Variants in MZT2A observed in about 807,000 individuals in gnomAD.
The protein encoded by MZT2A is mitotic-spindle organizing protein 2A.
Under a neutral mutation model 12.4 loss-of-function variants are expected in MZT2A, and 8 were observed. The ratio of observed to expected loss-of-function variants is 0.64; its 90% CI spans 0.38 to 1.16. The LOEUF (loss-of-function observed/expected upper bound fraction) is 1.16. MZT2A is among the 50% of genes most tolerant of loss of function. The probability of loss-of-function intolerance (pLI) is 0.01; values close to 1 mark genes in which losing one functional copy is unlikely to be tolerated. For synonymous variants in MZT2A, 88 were observed against 107.5 expected (o/e 0.82, Z 1.12); for missense variants, 181 against 223.6 (o/e 0.81, Z 1.22).
downstream of MZT2A, chr2:131,479,207 T>TGTACA (rs1340529299): frequency 6.6e-7 from 1 of 1,514,008 alleles, no homozygotes; most frequent in Non-Finnish European, 8.9e-7. Flanking sequence ...GTCATGTACT[T>TGTACA]TGAACAGCAT....
At chr2:131,484,416 T>C (rs1157653498) in intron 2 of MZT2A, among the ~76,000 whole-genome samples, 198 bp from the exon 3 acceptor site, 6 of 152,178 alleles carry the variant, frequency 3.9e-5, no homozygotes, top group South Asian at 4.1e-4. Context: ...CCCTTGGCAG[T>C]GTGCAGGGGA....
chr2:131,476,073 C>G, intron 2 of MZT2A: 1 of 1,540,374 alleles, frequency 6.5e-7, no homozygotes, highest in South Asian at 1.2e-5. Flanking sequence ...GAGCCAATGG[C>G]GGCCTGGCAC....
upstream of MZT2A, chr2:131,493,163 G>C (rs1447694734): frequency 6.3e-6 from 9 of 1,433,976 alleles, no homozygotes; most frequent in East Asian, 2.6e-5. Flanking sequence ...GGACGCGCGC[G>C]TGAGACGGTC....
chr2:131,487,465 A>T (rs1230796368), intron 2 of MZT2A, among the ~76,000 whole-genome samples: 3 of 152,308 alleles, frequency 2.0e-5, no homozygotes, highest in East Asian at 3.9e-4. Context: ...GTGACAGAGC[A>T]AGACTGTCTC....
Position 131,484,101 on chromosome 2 carries a change from C to A in MZT2A, c.437G>T (p.Gly146Val). Reference sequence around the variant, plus strand: ...CGTAGGGCTCTTCCCAGGCCCGCCCCCCTTGGGCAGCCTGGTAGCGCTGGG... The same window carrying A: ...CGTAGGGCTCTTCCCAGGCCCGCCCACCTTGGGCAGCCTGGTAGCGCTGGG... ...RQPSATRLPK[G>V]GGPGKSPTQG... Residue 146 changes from glycine to valine, a missense_variant, in exon 3 of 3, where the codon GGG (glycine) becomes GTG (valine). By Grantham distance (109) the Gly-to-Val change is moderately radical. Around this residue, in one of 3 missense-constraint regions of MZT2A, gnomAD observed 72 missense variants for 76.9 expected, o/e 0.94. Coordinates refer to ENST00000309451, the MANE Select transcript of MZT2A (RefSeq NM_001085365.2). The A allele has an allele frequency of 1.9e-6, 3 of 1,613,932 alleles. No individual in the cohort carries two copies. Among genetic ancestry groups the A allele is most frequent in the Middle Eastern group, 1.7e-4 (1 of 6,060 alleles).
intron 2 of MZT2A, among the ~76,000 whole-genome samples, chr2:131,484,862 A>C (rs2463336): frequency 1.3e-5 from 2 of 152,118 alleles, no homozygotes; most frequent in South Asian, 2.1e-4. Context: ...TTCCTTCTGA[A>C]CACCAGAGGC....
intron 1 of MZT2A, 62 bp downstream of exon 1, chr2:131,492,145 T>C (rs1032138305): frequency 5.2e-6 from 8 of 1,537,928 alleles, no homozygotes; most frequent in Non-Finnish European, 6.1e-6. Context: ...GGGCCGGGCG[T>C]ACCCGGAGAG....
chr2:131,480,916 T>A (rs555606320), downstream of MZT2A, among the ~76,000 whole-genome samples: 1 of 152,036 alleles, frequency 6.6e-6, no homozygotes, highest in African/African-American at 2.4e-5. Flanking sequence ...ATTTCTTTTT[T>A]TTTTTTTGAG....
upstream of MZT2A, chr2:131,492,468 T>C (rs1679375461): frequency 1.7e-6 from 2 of 1,158,188 alleles, no homozygotes; most frequent in African/African-American, 1.6e-5. Flanking sequence ...GCGTCTGGCC[T>C]CCCGGGCTGC....
intron 2 of MZT2A, among the ~76,000 whole-genome samples, chr2:131,488,443 TCA>T (rs975501776): frequency 1.3e-5 from 2 of 152,078 alleles, no homozygotes; most frequent in African/African-American, 2.4e-5. Flanking sequence ...CTGCTGCAGC[TCA>T]CAGAGGCAAG....
chr2:131,473,298 T>C (rs1678525894), intron 2 of MZT2A, among the ~76,000 whole-genome samples: 1 of 152,004 alleles, frequency 6.6e-6, no homozygotes, highest in African/African-American at 2.4e-5. Flanking sequence ...TCTGCAGAAC[T>C]CCGTCCCTGC....
At chr2:131,489,008 T>C (rs2104738764) in intron 2 of MZT2A, among the ~76,000 whole-genome samples, 1 of 140,486 alleles carries the variant, frequency 7.1e-6, no homozygotes, top group African/African-American at 2.7e-5. Context: ...CCCCCCCACC[T>C]GCCTCCTCCT....
Position 131,492,343 on chromosome 2 carries a change from AC to A in MZT2A, c.33del (p.Ser12ArgfsTer22), listed in dbSNP as rs776427362. The A allele has an allele frequency of 0.092, 137,818 of 1,501,336 alleles. 7,575 individuals carry two copies. The highest frequency in any genetic ancestry group is 0.25 in the African/African-American group (17,120 of 68,958). 93.0% of individuals were successfully genotyped at this position (1,501,336 alleles called of 1,614,324 possible). A position where few individuals can be genotyped will look rare whatever the true frequency, so the allele number is the denominator to read the frequency against. MAAQGVGPGP[G>X]SAAPPGLEAA... ...GCCTCCAGCCCCGGGGGCGCCGCCG[AC>A]CCCGGCCCAGGCCCTACGCCCTGCG... On this transcript the variant is annotated frameshift_variant, in exon 1 of 3. Coordinates refer to ENST00000309451, the MANE Select transcript of MZT2A (RefSeq NM_001085365.2). LOFTEE classifies it high-confidence loss of function.
intron 2 of MZT2A, among the ~76,000 whole-genome samples, chr2:131,488,105 A>C (rs1573872360): frequency 6.6e-6 from 1 of 152,046 alleles, no homozygotes. Context: ...CAGTGCAATG[A>C]CCACGCCAGC....
upstream of MZT2A, chr2:131,492,992 C>T: frequency 1.3e-6 from 2 of 1,519,146 alleles, no homozygotes; most frequent in South Asian, 1.2e-5. Context: ...GCGCACGTAC[C>T]TTTTGAGGTA....
intron 2 of MZT2A, among the ~76,000 whole-genome samples, chr2:131,473,506 A>G (rs1678536378): frequency 6.6e-6 from 1 of 151,332 alleles, no homozygotes; most frequent in African/African-American, 2.5e-5. Flanking sequence ...GGGAGATGCC[A>G]TGGTGGGATG....
chr2:131,491,765 ACCG>A, intron 2 of MZT2A, 108 bp downstream of exon 2: 1 of 1,432,926 alleles, frequency 7.0e-7, no homozygotes, highest in African/African-American at 1.6e-5. Flanking sequence ...GCCTAGACCG[ACCG>A]ACAGACAGGC....
intron 2 of MZT2A, chr2:131,476,304 C>T: frequency 1.9e-6 from 3 of 1,590,518 alleles, no homozygotes; most frequent in Non-Finnish European, 2.6e-6. Flanking sequence ...TGAGAGGAGG[C>T]CAGAGAAGGA....
intron 2 of MZT2A, chr2:131,478,503 C>A (rs1678747378): frequency 2.9e-6 from 4 of 1,361,950 alleles, no homozygotes; most frequent in African/African-American, 2.9e-5. Flanking sequence ...CAGGCATATG[C>A]CCATGGCATT....
Sources: allele counts gnomAD v4.1 joint callset (sites outside exome capture counted in the v4.1 genomes callset), GRCh38; gene constraint gnomAD v4.1.1; regional missense constraint gnomAD v4.1.1; transcripts MANE v1.5; gene names NCBI Gene and HGNC (gene_info 2026-07-23, HGNC 2026-07-21).